The following FUT8 variants were observed in gnomAD, a reference collection of about 807,000 sequenced individuals.
The protein encoded by FUT8 is fucosyltransferase 8.
A neutral mutation model predicts 71.3 loss-of-function variants in FUT8; 29 were observed. The observed-to-expected ratio is 0.41, with a 90% confidence interval of 0.30 to 0.55. FUT8 has a LOEUF of 0.55. Among genes scored for constraint, FUT8 ranks in the 20% least tolerant of loss-of-function variants. The probability of loss-of-function intolerance (pLI) is 0.34; values close to 1 mark genes in which losing one functional copy is unlikely to be tolerated. For missense variants in FUT8, 544 were observed against 702.1 expected, an observed-to-expected ratio of 0.77 and a Z score of 2.55; for synonymous variants, 254 against 239.3, an observed-to-expected ratio of 1.06 and a Z score of -0.57.
rs1279944600 is a variant in FUT8 at position 65,489,112 on chromosome 14, A to C, written c.-228+33394A>C. ...TTTTTCCATCAATGATTAGAAAGTT[A>C]TGATTTTTTGTTGTTCAGCAAATTA... On this transcript the variant is annotated intron_variant, in intron 2 of 10. Coordinates refer to ENST00000673929, the MANE Select transcript of FUT8 (RefSeq NM_001371533.1). This position sits in a 1 kb window ranked among gnomAD's most constrained non-coding sequence, Gnocchi z 4.0. 6.6e-6 allele frequency among the ~76,000 whole-genome samples: 1 copy of C among 152,192 alleles called. No homozygotes were observed. The highest frequency in any genetic ancestry group is 1.5e-5 in the Non-Finnish European group (1 of 68,016).
intron 3 of FUT8, among the ~76,000 whole-genome samples, chr14:65,600,058 A>G (rs183043061): frequency 3.9e-5 from 6 of 152,300 alleles, no homozygotes; most frequent in African/African-American, 1.4e-4. Context: ...ATAGTAGAGT[A>G]ACTTGATAAA....
intron 7 of FUT8, among the ~76,000 whole-genome samples, chr14:65,705,292 TATAAC>T (rs1402931047): frequency 1.3e-5 from 2 of 152,218 alleles, no homozygotes; most frequent in African/African-American, 4.8e-5. Flanking sequence ...TTTTTAATAG[TATAAC>T]ATATCTTTCC....
At chr14:65,670,625 G>T (rs1259322812) in intron 7 of FUT8, among the ~76,000 whole-genome samples, 1 of 151,884 alleles carries the variant, frequency 6.6e-6, no homozygotes, top group African/African-American at 2.4e-5. Flanking sequence ...TTATTGTGGG[G>T]CTAAGCACCT....
rs1888436410 is a variant in FUT8 at position 65,603,923 on chromosome 14, C to T, written c.204-12055C>T. On this transcript the variant is annotated intron_variant, in intron 3 of 10. Transcript: ENST00000673929. The surrounding 1 kb of genome is among the most constrained non-coding windows in gnomAD (Gnocchi z 4.5). The stretch of plus-strand genomic sequence containing the variant: ...CAGGGGTGGAAAAAGACATTTCATG[C>T]AAATGGACACCCAAAGCGAGCAGGA... Among the ~76,000 whole-genome samples, 1 of 151,592 alleles carries T rather than the reference C, an allele frequency of 6.6e-6. No homozygotes were observed. Among genetic ancestry groups the T allele is most frequent in the Admixed American group, 6.6e-5 (1 of 15,168 alleles).
chr14:65,518,685 A>T (rs931766302), intron 2 of FUT8, among the ~76,000 whole-genome samples: 5 of 151,874 alleles, frequency 3.3e-5, no homozygotes, highest in Non-Finnish European at 7.4e-5. Flanking sequence ...CCACCATGCC[A>T]GGCTAATTTT....
At chr14:65,735,924 T>C (rs979221905) in intron 10 of FUT8, among the ~76,000 whole-genome samples, 8 of 152,190 alleles carry the variant, frequency 5.3e-5, no homozygotes, top group African/African-American at 1.9e-4. Context: ...TGGAATTGTT[T>C]GAAAATGCCC....
intron 2 of FUT8, chr14:65,458,226 T>C (rs1413810402): frequency 1.4e-5 from 2 of 144,200 alleles, no homozygotes; most frequent in African/African-American, 2.6e-5. Context: ...TGTAAAACAA[T>C]ATAAAACAAC....
Position 65,669,940 on chromosome 14 carries a change from G to A in FUT8, c.835+460G>A, listed in dbSNP as rs1423292595. On this transcript the variant is annotated intron_variant, in intron 7 of 10. Transcript: ENST00000673929. The surrounding 1 kb of genome is among the most constrained non-coding windows in gnomAD (Gnocchi z 4.5). ...GGAAGGTCTAGGCTGCAGCCTGAGA[G>A]TTTTAATATCTGACAAAAGTTTTAG... Among the ~76,000 whole-genome samples, 5 of 152,196 alleles carry A rather than the reference G, an allele frequency of 3.3e-5. No individual in the cohort carries two copies. The highest frequency in any genetic ancestry group is 7.3e-5 in the Non-Finnish European group (5 of 68,040).
chr14:65,368,957 G>C, the FUT8 span, among the ~76,000 whole-genome samples: 1 of 152,188 alleles, frequency 6.6e-6, no homozygotes, highest in African/African-American at 2.4e-5. Context: ...ACCATGCCCG[G>C]CTGCAAAATT....
intron 5 of FUT8, among the ~76,000 whole-genome samples, chr14:65,628,551 T>C (rs939285046): frequency 2.0e-5 from 3 of 152,230 alleles, no homozygotes; most frequent in Admixed American, 1.3e-4. Flanking sequence ...ATAAATTTGC[T>C]GACAGATTTG....
At chr14:65,742,062 A>T (rs966963050) in intron 10 of FUT8, 31 bp from the exon 11 acceptor site, 1 of 1,579,998 alleles carries the variant, frequency 6.3e-7, no homozygotes. Flanking sequence ...GTGTTTATAT[A>T]CTAACAATTT....
At chr14:65,389,797 T>C in the FUT8 span, among the ~76,000 whole-genome samples, 1 of 151,532 alleles carries the variant, frequency 6.6e-6, no homozygotes, top group Non-Finnish European at 1.5e-5. Context: ...ATTTATATAA[T>C]AATTTTATAA....
the FUT8 span, among the ~76,000 whole-genome samples, chr14:65,360,941 T>C: frequency 6.6e-6 from 1 of 152,040 alleles, no homozygotes; most frequent in South Asian, 2.1e-4. Context: ...AAAATGGGGA[T>C]GGTAAATGCT....
intron 3 of FUT8, among the ~76,000 whole-genome samples, chr14:65,609,286 C>T (rs568937066): frequency 1.5e-4 from 23 of 148,776 alleles, no homozygotes; most frequent in Admixed American, 3.4e-4. Flanking sequence ...CAGAGTGAGA[C>T]TCTGTCTCAA....
At chr14:65,392,947 T>C in the FUT8 span, among the ~76,000 whole-genome samples, 1 of 152,208 alleles carries the variant, frequency 6.6e-6, no homozygotes, top group East Asian at 1.9e-4. Context: ...TACTGAAAAA[T>C]GATTCGCTGT....
chr14:65,732,931 A>G (rs1201594455), intron 9 of FUT8, among the ~76,000 whole-genome samples: 2 of 152,120 alleles, frequency 1.3e-5, no homozygotes, highest in Non-Finnish European at 2.9e-5. Flanking sequence ...CTTAAAAGTC[A>G]CTCATTACAA....
chr14:65,662,848 A>G (rs949667308), intron 6 of FUT8, among the ~76,000 whole-genome samples: 9 of 152,152 alleles, frequency 5.9e-5, no homozygotes, highest in Admixed American at 1.3e-4. Flanking sequence ...GACCAAAATC[A>G]TATCTTTAAC....
chr14:65,638,563 C>T lies in FUT8; in HGVS notation c.597+8957C>T, dbSNP rs1890682009. 6.6e-6 allele frequency among the ~76,000 whole-genome samples: 1 copy of T among 151,732 alleles called. No individual in the cohort carries two copies. The highest frequency in any genetic ancestry group is 1.5e-5 in the Non-Finnish European group (1 of 67,956). On this transcript the variant is annotated intron_variant, in intron 6 of 10. Transcript: ENST00000673929. The surrounding 1 kb of genome is among the most constrained non-coding windows in gnomAD (Gnocchi z 4.5). ...TTTATTGGAGAAATAGAAAACTTCT[C>T]CAGTGACAGTATATGATCCTTTGGA...
At chr14:65,677,151 T>TGTGTGTGTGTGCGCGCGCGC in intron 7 of FUT8, among the ~76,000 whole-genome samples, 193 of 110,714 alleles carry the variant, frequency 1.7e-3, no homozygotes, top group Non-Finnish European at 2.6e-3. Flanking sequence ...TGTGTGTGTG[T>TGTGTGTGTGTGCGCGCGCGC]GCGCGCGCGC....
Sources: allele counts gnomAD v4.1 joint callset (sites outside exome capture counted in the v4.1 genomes callset), GRCh38; gene constraint gnomAD v4.1.1; non-coding constraint Gnocchi (gnomAD v3.1); transcripts MANE v1.5; gene names NCBI Gene and HGNC (gene_info 2026-07-23, HGNC 2026-07-21).